Variants in ZWILCH observed in about 807,000 individuals in gnomAD.
ZWILCH encodes zwilch kinetochore protein, also known as protein zwilch homolog.
ZWILCH carries 74 observed loss-of-function variants against 79.9 expected under a neutral mutation model. The observed-to-expected ratio is 0.93, with a 90% CI of 0.77 to 1.12. The LOEUF (loss-of-function observed/expected upper bound fraction) is 1.12, where lower values mean the gene tolerates loss of function less well. Among genes scored for constraint, ZWILCH ranks in the 50% most tolerant of loss-of-function variants. The probability of loss-of-function intolerance (pLI) is 0.00; values close to 1 mark genes in which losing one functional copy is unlikely to be tolerated. For synonymous variants in ZWILCH, 241 were observed against 228.2 expected (o/e 1.06, Z -0.51); for missense variants, 694 against 687.5 (o/e 1.01, Z -0.11).
intron 2 of ZWILCH, among the ~76,000 whole-genome samples, chr15:66,513,762 G>A (rs759396723): frequency 6.6e-6 from 1 of 151,870 alleles, no homozygotes; most frequent in Non-Finnish European, 1.5e-5. Context: ...TAGTAGAGAT[G>A]GAGTTTCACC....
chr15:66,536,797 C>G (rs1405418979), intron 15 of ZWILCH, among the ~76,000 whole-genome samples: 1 of 151,904 alleles, frequency 6.6e-6, no homozygotes, highest in Non-Finnish European at 1.5e-5. Context: ...TCCTTGGACT[C>G]TGAAAACCAT....
At chr15:66,538,631 T>G (rs1411602644) in intron 16 of ZWILCH, among the ~76,000 whole-genome samples, 1 of 152,180 alleles carries the variant, frequency 6.6e-6, no homozygotes, top group African/African-American at 2.4e-5. Flanking sequence ...TCCGACCACC[T>G]GAGCCTCCCA....
intron 2 of ZWILCH, among the ~76,000 whole-genome samples, chr15:66,513,374 T>C (rs2140745748): frequency 6.6e-6 from 1 of 152,028 alleles, no homozygotes; most frequent in South Asian, 2.1e-4. Context: ...GAGACCAGCC[T>C]GGGCAATATA....
chr15:66,537,686 C>T (rs540887379), intron 16 of ZWILCH, among the ~76,000 whole-genome samples: 15 of 151,820 alleles, frequency 9.9e-5, no homozygotes, highest in South Asian at 2.1e-4. Context: ...AGTGAAACTC[C>T]GTCTCAAAAA....
At chr15:66,520,684 A>G (rs1360938266) in intron 6 of ZWILCH, 24 bp downstream of exon 6, 1 of 1,464,124 alleles carries the variant, frequency 6.8e-7, no homozygotes, top group South Asian at 1.2e-5. Context: ...TTCTACTCAT[A>G]TTATTTTCTT....
chr15:66,539,713 G>A (rs938887137), intron 16 of ZWILCH, among the ~76,000 whole-genome samples: 4 of 151,950 alleles, frequency 2.6e-5, no homozygotes, highest in African/African-American at 7.3e-5. Context: ...CTTAACCCTC[G>A]GTGCATACTC....
At chr15:66,515,817 C>T (rs1000148401) in intron 4 of ZWILCH, among the ~76,000 whole-genome samples, 173 bp downstream of exon 4, 1 of 152,118 alleles carries the variant, frequency 6.6e-6, no homozygotes, top group Non-Finnish European at 1.5e-5. Flanking sequence ...ATAGGTATCC[C>T]AAATGTGACC....
intron 6 of ZWILCH, 48 bp downstream of exon 6, chr15:66,520,708 A>G (rs937807357): frequency 1.1e-5 from 14 of 1,255,826 alleles, no homozygotes; most frequent in African/African-American, 1.5e-5. Flanking sequence ...ATTGTTGTCA[A>G]CCTGCCTTCC....
intron 8 of ZWILCH, among the ~76,000 whole-genome samples, chr15:66,526,254 A>C (rs1894670422): frequency 6.6e-6 from 1 of 152,174 alleles, no homozygotes; most frequent in Non-Finnish European, 1.5e-5. Context: ...GAAGTTAAAA[A>C]ACTTTTGAAG....
rs768966085 is a variant in ZWILCH, at chr15:66,514,125, A to T, written c.201+42A>T. 12 of 1,459,438 alleles carry T rather than the reference A, an allele frequency of 8.2e-6. No individual in the cohort carries two copies. In the East Asian group the frequency reaches 2.8e-4, roughly 34 times the overall value. 90.4% of individuals were successfully genotyped at this position (1,459,438 alleles called of 1,614,324 possible). On this transcript the variant is annotated intron_variant, in intron 3 of 18. Transcript: ENST00000307897. ...CTTTGTGGTTGTTTAATTCTCCATA[A>T]CCAAATTTGGTTTCTTGGGAATAAT...
chr15:66,525,045 T>C (rs750775356), intron 8 of ZWILCH, among the ~76,000 whole-genome samples: 1 of 152,226 alleles, frequency 6.6e-6, no homozygotes, highest in African/African-American at 2.4e-5. Flanking sequence ...TAGAGTGCTA[T>C]TGCTTCAAGA....
intron 16 of ZWILCH, among the ~76,000 whole-genome samples, chr15:66,539,162 T>C (rs62011923): frequency 0.056 from 8,539 of 152,086 alleles, 336 homozygotes; most frequent in Middle Eastern, 0.11. Flanking sequence ...AAAAACGTAG[T>C]GCTTATCCTC....
At chr15:66,514,747 A>T (rs1894193788) in intron 3 of ZWILCH, among the ~76,000 whole-genome samples, 1 of 152,194 alleles carries the variant, frequency 6.6e-6, no homozygotes. Context: ...AGGCTGAGCT[A>T]TTTAACTATT....
chr15:66,508,191 GT>G (rs1893900245), intron 1 of ZWILCH, among the ~76,000 whole-genome samples: 1 of 141,898 alleles, frequency 7.0e-6, no homozygotes, highest in African/African-American at 2.7e-5. Context: ...AGGCTGGTGT[GT>G]ATTTTGGTAT....
At chr15:66,506,184 C>A (rs1893809549) in intron 1 of ZWILCH, among the ~76,000 whole-genome samples, 1 of 152,108 alleles carries the variant, frequency 6.6e-6, no homozygotes, top group South Asian at 2.1e-4. Context: ...TATAATTTTT[C>A]ATTGTTTATC....
rs1555426548 is a variant in ZWILCH, at chr15:66,544,724, T to TGTGTGTGTGTGTGTGTGTG, written c.1688-1867_1688-1866insGTGTGTGTGTGTGTGTGTG. Among the ~76,000 whole-genome samples the TGTGTGTGTGTGTGTGTGTG allele has an allele frequency of 2.9e-3, 372 of 128,530 alleles. 4 individuals carry two copies. Among genetic ancestry groups the TGTGTGTGTGTGTGTGTGTG allele is most frequent in the African/African-American group, 0.01 (328 of 32,542 alleles). The allele number at this position is 128,530 out of a possible 152,430, so 84.3% of individuals were successfully genotyped here. ...TGTTTTTTTGTTGTTTTTTTGGTTT[T>TGTGTGTGTGTGTGTGTGTG]TGTGTGTGTGTGTGTGTGTGTGTGT... On this transcript the variant is annotated intron_variant, in intron 17 of 18. Coordinates refer to ENST00000307897, the MANE Select transcript of ZWILCH (RefSeq NM_017975.5).
chr15:66,506,080 C>T (rs1017178175), intron 1 of ZWILCH, among the ~76,000 whole-genome samples: 1 of 152,188 alleles, frequency 6.6e-6, no homozygotes, highest in Non-Finnish European at 1.5e-5. Flanking sequence ...AATTAATTTG[C>T]CCTCCTGATA....
At chr15:66,509,861 ATATATATATCTC>A (rs1893984923) in intron 2 of ZWILCH, among the ~76,000 whole-genome samples, 2 of 98,948 alleles carry the variant, frequency 2.0e-5, no homozygotes, top group East Asian at 2.9e-4. Flanking sequence ...ATATATATAT[ATATATATATCTC>A]TTAAAAATCA....
In ZWILCH at chr15:66,535,958, A is replaced by C. The variant is rs756159007; in HGVS notation, c.1367A>C (p.Asp456Ala). The C allele has an allele frequency of 3.7e-6, 6 of 1,608,646 alleles. No individual in the cohort carries two copies. The African/African-American group carries it at 5.4e-5, about 14-fold the overall frequency. Reference protein sequence around the residue: ...HLEYFIAPSVDIQEQVYRVQK... With the variant: ...HLEYFIAPSVAIQEQVYRVQK... Reference sequence around the variant, plus strand: ...GAATACTTCATTGCTCCATCAGTAGATATACAAGAACAGGTTTATCGTGTC... The same window carrying C: ...GAATACTTCATTGCTCCATCAGTAGCTATACAAGAACAGGTTTATCGTGTC... Residue 456 changes from aspartate (D) to alanine (A), a missense_variant, in exon 15 of 19, where the codon GAT becomes GCT. Physicochemically the swap from Asp to Ala is moderately radical, Grantham distance 126. Transcript: ENST00000307897.
Sources: allele counts gnomAD v4.1 joint callset (sites outside exome capture counted in the v4.1 genomes callset), GRCh38; gene constraint gnomAD v4.1.1; transcripts MANE v1.5; gene names NCBI Gene and HGNC (gene_info 2026-07-23, HGNC 2026-07-21).